The following KCNH5 variants were observed in gnomAD, a reference collection of about 807,000 sequenced individuals.
KCNH5 encodes potassium voltage-gated channel subfamily H member 5.
KCNH5 carries 46 observed loss-of-function variants against 96.1 expected under a neutral mutation model. The ratio of observed to expected loss-of-function variants is 0.48; its 90% CI spans 0.38 to 0.61. The LOEUF is 0.61. KCNH5 is among the 20% of genes least tolerant of loss of function. KCNH5 has a pLI of 0.00. For synonymous variants in KCNH5, 439 were observed against 449.8 expected (o/e 0.98, Z 0.30); for missense variants, 907 against 1,225.8 (o/e 0.74, Z 3.88).
intron 10 of KCNH5, among the ~76,000 whole-genome samples, chr14:62,746,338 A>G (rs1885374962): frequency 6.6e-6 from 1 of 152,268 alleles, no homozygotes; most frequent in Non-Finnish European, 1.5e-5. Context: ...ATACTACTCT[A>G]GATGCTATGA....
chr14:62,939,431 C>T (rs1353242897), intron 7 of KCNH5, among the ~76,000 whole-genome samples: 1 of 152,182 alleles, frequency 6.6e-6, no homozygotes, highest in African/African-American at 2.4e-5. Flanking sequence ...ACCAGAACCA[C>T]ATTTCTAACC....
Position 63,016,892 on chromosome 14 carries a change from C to T in KCNH5, c.136G>A (p.Gly46Ser), listed in dbSNP as rs777644149. The T allele has an allele frequency of 9.3e-6, 15 of 1,610,342 alleles. No individual in the cohort carries two copies. The Admixed American group carries it at 1.5e-4, about 16-fold the overall frequency. ...VDWPVVYSND[G>S]FCKLSGYHRA... ...TGATATCCAGAGAGTTTACAAAAAC[C>T]GTCATTACTATAAACTACAGGCCAA... The change falls in exon 2 of 11, where the codon GGT (glycine) becomes AGT (serine). Residue 46 changes from glycine to serine, a missense_variant. By Grantham distance (56) the Gly-to-Ser change is moderately conservative. Coordinates refer to ENST00000322893, the MANE Select transcript of KCNH5 (RefSeq NM_139318.5).
Position 62,745,331 on chromosome 14 carries a change from A to G in KCNH5, c.2019+34397T>C, listed in dbSNP as rs373722265. Among the ~76,000 whole-genome samples the G allele has an allele frequency of 2.4e-3, 363 of 152,300 alleles. 1 individual carries two copies. Among genetic ancestry groups the G allele is most frequent in the African/African-American group, 8.4e-3 (348 of 41,572 alleles). On this transcript the variant is annotated intron_variant, in intron 10 of 10. Coordinates refer to ENST00000322893, the MANE Select transcript of KCNH5 (RefSeq NM_139318.5). ...CCATGTCAATTCCATACACTAGCACACTGTCCTCTAACAATGAGAGGTTAT... is the reference window on the plus strand; with the variant it reads ...CCATGTCAATTCCATACACTAGCACGCTGTCCTCTAACAATGAGAGGTTAT...
At position 62,708,445 on chromosome 14, in the gene KCNH5, C is replaced by A. The variant is rs763607260; in HGVS notation, c.2030G>T (p.Arg677Leu). The change falls in exon 11 of 11, where the codon CGT becomes CTT. Residue 677 changes from arginine to leucine, a missense_variant. Arg to Leu is a moderately radical substitution (Grantham distance 102). Coordinates refer to ENST00000322893, the MANE Select transcript of KCNH5 (RefSeq NM_139318.5). ...CTCTTTCTTCACATCACTGATCTTA[C>A]GAAAGATGATCTGTGGAACGGGAGA... Reference protein sequence around the residue: ...TCNLRKRIIFRKISDVKKEEE... With the variant: ...TCNLRKRIIFLKISDVKKEEE... 6.3e-7 allele frequency: 1 copy of A among 1,589,866 alleles called. No individual in the cohort carries two copies. The highest frequency in any genetic ancestry group is 8.6e-7 in the Non-Finnish European group (1 of 1,169,156).
At chr14:62,727,076 T>G (rs1378367279) in intron 10 of KCNH5, among the ~76,000 whole-genome samples, 1 of 151,856 alleles carries the variant, frequency 6.6e-6, no homozygotes, top group East Asian at 1.9e-4. Context: ...GTGTTAAAAG[T>G]GAGTAGGGGC....
intron 7 of KCNH5, among the ~76,000 whole-genome samples, chr14:62,905,885 G>A (rs1170786450): frequency 1.3e-5 from 2 of 152,170 alleles, no homozygotes; most frequent in African/African-American, 2.4e-5. Flanking sequence ...GACTGAGACT[G>A]GCACCAGGCC....
At chr14:62,748,741 T>C (rs576862373) in intron 10 of KCNH5, among the ~76,000 whole-genome samples, 1 of 152,236 alleles carries the variant, frequency 6.6e-6, no homozygotes, top group African/African-American at 2.4e-5. Flanking sequence ...CGTTCATAAC[T>C]GCGAGTTCCG....
intron 8 of KCNH5, among the ~76,000 whole-genome samples, chr14:62,845,256 T>C (rs1467891425): frequency 6.6e-6 from 1 of 152,204 alleles, no homozygotes; most frequent in South Asian, 2.1e-4. Context: ...ATACCGTTTA[T>C]TAAAGCTACA....
chr14:62,991,808 G>A (rs934199768), intron 4 of KCNH5, among the ~76,000 whole-genome samples: 1 of 151,986 alleles, frequency 6.6e-6, no homozygotes, highest in Non-Finnish European at 1.5e-5. Flanking sequence ...GAAAAAAGCA[G>A]AAGCCATAAG....
chr14:62,907,654 A>G (rs1566703201), intron 7 of KCNH5, among the ~76,000 whole-genome samples: 1 of 152,192 alleles, frequency 6.6e-6, no homozygotes, highest in Non-Finnish European at 1.5e-5. Context: ...AGTCTGAGTA[A>G]CAGGTATAGA....
intron 7 of KCNH5, among the ~76,000 whole-genome samples, chr14:62,884,110 C>T (rs148221992): frequency 9.3e-4 from 141 of 152,210 alleles, no homozygotes; most frequent in Admixed American, 2.0e-3. Flanking sequence ...TTTCTTCAAG[C>T]TCTGTGTTAG....
At chr14:62,849,576 T>C (rs1390015126) in intron 8 of KCNH5, 77 bp downstream of exon 8, 1 of 1,128,368 alleles carries the variant, frequency 8.9e-7, no homozygotes, top group East Asian at 2.4e-5. Flanking sequence ...ATACAAGCAA[T>C]ACGTGACTGG....
At chr14:62,942,126 GC>G (rs1326811395) in intron 7 of KCNH5, among the ~76,000 whole-genome samples, 1 of 152,162 alleles carries the variant, frequency 6.6e-6, no homozygotes, top group Non-Finnish European at 1.5e-5. Context: ...TATGTAAAAA[GC>G]CCTAACATCT....
chr14:62,709,368 T>C (rs1011478356), intron 10 of KCNH5, among the ~76,000 whole-genome samples: 1 of 152,064 alleles, frequency 6.6e-6, no homozygotes, highest in Non-Finnish European at 1.5e-5. Flanking sequence ...AGAATTTAAA[T>C]TGATTTATGC....
At chr14:62,981,544 ACACT>A (rs1027787193) in intron 5 of KCNH5, among the ~76,000 whole-genome samples, 1 of 152,222 alleles carries the variant, frequency 6.6e-6, no homozygotes, top group Non-Finnish European at 1.5e-5. Flanking sequence ...TGCCTCCTGC[ACACT>A]CACTCTGCAA....
At chr14:62,977,158 G>A (rs1291702864) in intron 6 of KCNH5, among the ~76,000 whole-genome samples, 1 of 152,072 alleles carries the variant, frequency 6.6e-6, no homozygotes, top group African/African-American at 2.4e-5. Context: ...ATCACTTGAG[G>A]TCAGGAGTTC....
At chr14:62,887,063 A>G (rs949369583) in intron 7 of KCNH5, among the ~76,000 whole-genome samples, 1 of 152,172 alleles carries the variant, frequency 6.6e-6, no homozygotes, top group Non-Finnish European at 1.5e-5. Context: ...GAAAATACAT[A>G]ATTAGCCCCT....
intron 10 of KCNH5, among the ~76,000 whole-genome samples, chr14:62,726,718 T>G (rs2101553): frequency 0.93 from 141,504 of 152,238 alleles, 66,447 homozygotes; most frequent in Non-Finnish European, 1. Flanking sequence ...GCTGAAGATA[T>G]ACACACTATA....
chr14:62,915,952 TTTTTTTTC>T (rs1341253764), intron 7 of KCNH5, among the ~76,000 whole-genome samples: 14 of 139,876 alleles, frequency 1.0e-4, no homozygotes, highest in African/African-American at 3.6e-4. Flanking sequence ...TTTTTTTTTC[TTTTTTTTC>T]TTTTTTTTTT....
Sources: gnomAD v4.1 joint callset for allele counts (sites outside exome capture counted in the v4.1 genomes callset) on GRCh38, gnomAD v4.1.1 for gene constraint, MANE v1.5 for transcripts, NCBI Gene and HGNC (gene_info 2026-07-23, HGNC 2026-07-21) for gene names.